RBFOX3: variants seen among roughly 807,000 people sequenced by gnomAD.
RBFOX3 encodes the protein RNA binding protein fox-1 homolog 3.
RBFOX3 carries 17 observed loss-of-function variants against 48.7 expected under a neutral mutation model. The ratio of observed to expected loss-of-function variants is 0.35; its 90% CI spans 0.24 to 0.52. The LOEUF (loss-of-function observed/expected upper bound fraction) is 0.52, where lower values mean the gene tolerates loss of function less well. Among genes scored for constraint, RBFOX3 ranks in the 20% least tolerant of loss-of-function variants. The pLI, the probability that RBFOX3 is intolerant of heterozygous loss-of-function variation, is 0.94. For missense variants in RBFOX3, 382 were observed against 497.5 expected (o/e 0.77, Z 2.21); for synonymous variants, 212 against 209.5 (o/e 1.01, Z -0.10).
intron 3 of RBFOX3, among the ~76,000 whole-genome samples, chr17:79,279,332 C>G (rs2069688841): frequency 1.3e-5 from 2 of 152,124 alleles, no homozygotes; most frequent in Admixed American, 1.3e-4. Context: ...CCCACAGCAC[C>G]CAGGACATTC....
rs757903881 is a variant in RBFOX3, at chr17:79,094,445, C to T, written c.1077+6G>A. On this transcript the variant is annotated splice_donor_region_variant and intron_variant, in intron 14 of 14. Coordinates refer to ENST00000693108, the MANE Select transcript of RBFOX3 (RefSeq NM_001350451.2). ...ACCCAGGGCTGGGCGGGCCTGGGCT[C>T]CTTACCATGGTTCCAATGCTGTAGG... is the stretch of plus-strand genomic sequence containing the variant. The T allele has an allele frequency of 1.1e-5, 17 of 1,496,926 alleles. No individual in the cohort carries two copies. The highest frequency in any genetic ancestry group is 1.7e-4 in the Middle Eastern group (1 of 5,782). The allele number at this position is 1,496,926 out of a possible 1,614,324, so 92.7% of individuals were successfully genotyped here.
chr17:79,172,671 G>A (rs149068611), intron 4 of RBFOX3, among the ~76,000 whole-genome samples: 157 of 152,274 alleles, frequency 1.0e-3, no homozygotes, highest in African/African-American at 3.5e-3. Context: ...GTTCTAGATC[G>A]GCCAGTACGT....
chr17:79,261,767 A>G (rs1567937011), intron 3 of RBFOX3, among the ~76,000 whole-genome samples: 1 of 152,148 alleles, frequency 6.6e-6, no homozygotes, highest in Non-Finnish European at 1.5e-5. Context: ...AACCAGGATG[A>G]AGGCTGCACA....
At chr17:79,114,929 T>G (rs563845602) in intron 5 of RBFOX3, among the ~76,000 whole-genome samples, 15 of 152,318 alleles carry the variant, frequency 9.8e-5, no homozygotes, top group Admixed American at 9.8e-4. Context: ...ATCTGAGAAG[T>G]GAGGGCTCAG....
intron 4 of RBFOX3, chr17:79,132,699 G>A (rs965504549): frequency 2.0e-5 from 3 of 152,384 alleles, no homozygotes; most frequent in African/African-American, 4.8e-5. Flanking sequence ...GCTTCCAGCT[G>A]CTGCTCACTG....
chr17:79,428,924 A>C (rs1273677169), intron 2 of RBFOX3, among the ~76,000 whole-genome samples: 1 of 152,232 alleles, frequency 6.6e-6, no homozygotes, highest in Non-Finnish European at 1.5e-5. Flanking sequence ...CCCTTGCTCC[A>C]TGGACAGAGT....
intron 1 of RBFOX3, among the ~76,000 whole-genome samples, chr17:79,505,650 A>G (rs2083001713): frequency 6.6e-6 from 1 of 152,244 alleles, no homozygotes; most frequent in African/African-American, 2.4e-5. Context: ...GAATGGGAGC[A>G]AAAGCAGAGG....
rs1555722368 is a variant in RBFOX3, at chr17:79,421,557, T to C, written c.-175+60897A>G. ...ACCTGGACAGGAGGCGAGGCTCAAA[T>C]GACCCATGCTGGCATTGGGTGACAG... On this transcript the variant is annotated intron_variant, in intron 2 of 14. Transcript: ENST00000693108. The surrounding 1 kb of genome is among the most constrained non-coding windows in gnomAD (Gnocchi z 4.5). 1.3e-5 allele frequency among the ~76,000 whole-genome samples: 2 copies of C among 152,040 alleles called. No homozygotes were observed. The highest frequency in any genetic ancestry group is 4.8e-5 in the African/African-American group (2 of 41,398).
At chr17:79,384,267 G>A (rs546332213) in intron 2 of RBFOX3, among the ~76,000 whole-genome samples, 64 of 152,260 alleles carry the variant, frequency 4.2e-4, no homozygotes, top group African/African-American at 1.5e-3. Flanking sequence ...CTCCCAGGAG[G>A]CCGCACTGCC....
chr17:79,402,469 T>G (rs2062930857), intron 2 of RBFOX3, among the ~76,000 whole-genome samples: 2 of 152,204 alleles, frequency 1.3e-5, no homozygotes, highest in African/African-American at 4.8e-5. Context: ...GCGGGGAGTT[T>G]GTTTGCTTGT....
Position 79,363,865 on chromosome 17 carries a change from C to T in RBFOX3, c.-174-56041G>A, listed in dbSNP as rs906014658. 2.0e-5 allele frequency among the ~76,000 whole-genome samples: 3 copies of T among 152,214 alleles called. No homozygotes were observed. The highest frequency in any genetic ancestry group is 3.9e-4 in the East Asian group (2 of 5,174). On this transcript the variant is annotated intron_variant, in intron 2 of 14. Transcript: ENST00000693108. The surrounding 1 kb of genome is among the most constrained non-coding windows in gnomAD (Gnocchi z 4.7). ...GTCCACTGCACTGGGATAAAGCAGA[C>T]GACGGGCTCCTGCAGCCCCTAACTC...
Position 79,090,520 on chromosome 17 carries a change from G to T in RBFOX3, c.*363C>A. ...CACACTGTCTGTCTTGGGAGTTGGG[G>T]GCTGGGAAAGGAAGACTGGATGGAA... On this transcript the variant is annotated 3_prime_UTR_variant, in exon 15 of 15. Transcript: ENST00000693108. 1 of 276,950 alleles carries T rather than the reference G, an allele frequency of 3.6e-6. No individual in the cohort carries two copies. Among genetic ancestry groups the T allele is most frequent in the Non-Finnish European group, 6.8e-6 (1 of 147,008 alleles). The allele number at this position is 276,950 out of a possible 1,614,324, so 17.2% of individuals were successfully genotyped here.
rs1314900941 is a variant in RBFOX3 at position 79,252,579 on chromosome 17, G to A, written c.-73-16774C>T. Among the ~76,000 whole-genome samples the A allele has an allele frequency of 2.0e-5, 3 of 152,166 alleles. No individual in the cohort carries two copies. Among genetic ancestry groups the A allele is most frequent in the African/African-American group, 4.8e-5 (2 of 41,438 alleles). On this transcript the variant is annotated intron_variant, in intron 3 of 14. Transcript: ENST00000693108. This position sits in a 1 kb window ranked among gnomAD's most constrained non-coding sequence, Gnocchi z 4.0. ...CGGAAATGAGCTCTGATGGTTCCTC[G>A]ATGGTAAACCAGTGAGGCTCCTTCC...
At position 79,361,404 on chromosome 17, in the gene RBFOX3, T is replaced by C. The variant is rs2086326549; in HGVS notation, c.-174-53580A>G. On this transcript the variant is annotated intron_variant, in intron 2 of 14. Transcript: ENST00000693108. The surrounding 1 kb of genome is among the most constrained non-coding windows in gnomAD (Gnocchi z 4.5). ...CCCCACTGCCTTCCTTGTGGAAAGA[T>C]TAAACATCTCTCAGATGCTGGGAGG... Among the ~76,000 whole-genome samples the C allele has an allele frequency of 6.6e-6, 1 of 152,116 alleles. No individual in the cohort carries two copies. The highest frequency in any genetic ancestry group is 6.5e-5 in the Admixed American group (1 of 15,286).
chr17:79,117,837 C>A (rs1177137899), intron 4 of RBFOX3, among the ~76,000 whole-genome samples: 1 of 152,234 alleles, frequency 6.6e-6, no homozygotes, highest in South Asian at 2.1e-4. Context: ...TGCAGTCCAG[C>A]GGGAAAGGAA....
At chr17:79,517,929 C>T (rs1568372157) in intron 1 of RBFOX3, among the ~76,000 whole-genome samples, 2 of 152,140 alleles carry the variant, frequency 1.3e-5, no homozygotes, top group Non-Finnish European at 2.9e-5. Context: ...AGGTCTGACC[C>T]GGTATTGATC....
In RBFOX3 at chr17:79,288,469, T is replaced by A. The variant is rs2072487060; in HGVS notation, c.-74+19255A>T. ...CCCGATAACCACTGCCCCTTTCCAT[T>A]CTCTGCAGCCCCCCCCAGCCCGGCT... On this transcript the variant is annotated intron_variant, in intron 3 of 14. Transcript: ENST00000693108. 2.7e-5 allele frequency among the ~76,000 whole-genome samples: 4 copies of A among 148,366 alleles called. No individual in the cohort carries two copies. The South Asian group carries it at 8.6e-4, about 32-fold the overall frequency.
At chr17:79,625,889 G>A in the RBFOX3 span, among the ~76,000 whole-genome samples, 5 of 152,236 alleles carry the variant, frequency 3.3e-5, no homozygotes, top group African/African-American at 1.2e-4. Flanking sequence ...GCGGCCGCTA[G>A]GGCATGGGAG....
chr17:79,435,098 G>A (rs530492728), intron 2 of RBFOX3, among the ~76,000 whole-genome samples: 2 of 152,254 alleles, frequency 1.3e-5, no homozygotes, highest in Non-Finnish European at 2.9e-5. Context: ...CTTCAATCTG[G>A]GACCCCAATA....
Sources: allele counts gnomAD v4.1 joint callset (sites outside exome capture counted in the v4.1 genomes callset), GRCh38; gene constraint gnomAD v4.1.1; non-coding constraint Gnocchi (gnomAD v3.1); transcripts MANE v1.5; gene names NCBI Gene and HGNC (gene_info 2026-07-23, HGNC 2026-07-21).